RPTOR: variants seen among roughly 807,000 people sequenced by gnomAD.
RPTOR encodes the protein regulatory-associated protein of mTOR.
Under a neutral mutation model 169.9 loss-of-function variants are expected in RPTOR, and 21 were observed. That is an observed-to-expected ratio of 0.12 (90% CI 0.09 to 0.18). The LOEUF (loss-of-function observed/expected upper bound fraction) is 0.18. RPTOR is among the 10% of genes least tolerant of loss of function. RPTOR has a pLI of 1.00. For missense variants in RPTOR, 1,133 were observed against 1,855.9 expected, an observed-to-expected ratio of 0.61 and a Z score of 7.16; for synonymous variants, 732 against 753.2, an observed-to-expected ratio of 0.97 and a Z score of 0.46.
rs886558059 is a variant in RPTOR, at chr17:80,878,272, C to T, written c.1510-2143C>T. Among the ~76,000 whole-genome samples the T allele has an allele frequency of 2.0e-5, 3 of 152,198 alleles. No homozygotes were observed. Among genetic ancestry groups the T allele is most frequent in the South Asian group, 4.1e-4 (2 of 4,836 alleles). On this transcript the variant is annotated intron_variant, in intron 13 of 33. Coordinates refer to ENST00000306801, the MANE Select transcript of RPTOR (RefSeq NM_020761.3). The surrounding 1 kb of genome is among the most constrained non-coding windows in gnomAD (Gnocchi z 4.1). ...GTCCCTCTCCAAGAAACACAGCATCCATGATTTGTACATCGCACTGCAGTT... is the reference window on the plus strand; with the variant it reads ...GTCCCTCTCCAAGAAACACAGCATCTATGATTTGTACATCGCACTGCAGTT...
intron 24 of RPTOR, among the ~76,000 whole-genome samples, chr17:80,927,947 G>T (rs1410982430): frequency 6.6e-6 from 1 of 152,104 alleles, no homozygotes; most frequent in Non-Finnish European, 1.5e-5. Context: ...ACACTGCAGA[G>T]GAGATTAGTC....
chr17:80,892,150 C>T (rs8064817), intron 18 of RPTOR, among the ~76,000 whole-genome samples: 34,461 of 152,036 alleles, frequency 0.23, 4,540 homozygotes, highest in South Asian at 0.4. Context: ...CGTCTTCCTG[C>T]GATGAGTAAT....
chr17:80,712,754 A>G (rs1328251752), intron 4 of RPTOR, among the ~76,000 whole-genome samples: 2 of 152,226 alleles, frequency 1.3e-5, no homozygotes, highest in African/African-American at 4.8e-5. Context: ...GCTGTCTTCC[A>G]ACATGTCTAC....
At chr17:80,876,086 T>C (rs2068107240) in intron 13 of RPTOR, among the ~76,000 whole-genome samples, 1 of 119,576 alleles carries the variant, frequency 8.4e-6, no homozygotes, top group African/African-American at 3.6e-5. Context: ...GCAGGGTGTG[T>C]GTGTCACCTG....
At chr17:80,776,167 C>G (rs2066889895) in intron 6 of RPTOR, among the ~76,000 whole-genome samples, 1 of 152,006 alleles carries the variant, frequency 6.6e-6, no homozygotes, top group Non-Finnish European at 1.5e-5. Context: ...CCACTGTACT[C>G]TAGCCTGGGC....
chr17:80,855,855 G>A (rs559100241), intron 12 of RPTOR, among the ~76,000 whole-genome samples: 180 of 152,272 alleles, frequency 1.2e-3, no homozygotes, highest in Non-Finnish European at 2.3e-3. Context: ...CGCCCCCAGC[G>A]CTGCGGAGGA....
At chr17:80,856,635 G>A (rs147816275) in intron 12 of RPTOR, among the ~76,000 whole-genome samples, 6 of 152,304 alleles carry the variant, frequency 3.9e-5, no homozygotes, top group South Asian at 2.1e-4. Flanking sequence ...CTGAGTCATC[G>A]GAGGAAGGCT....
chr17:80,685,627 A>ATTTTTTTTTTT (rs1165540456), intron 3 of RPTOR, among the ~76,000 whole-genome samples: 2 of 30,684 alleles, frequency 6.5e-5, no homozygotes, highest in Non-Finnish European at 5.4e-5. Flanking sequence ...ATATATATAT[A>ATTTTTTTTTTT]TTTTTTTTTT....
chr17:80,854,807 C>T (rs541380567), intron 11 of RPTOR, among the ~76,000 whole-genome samples: 1 of 152,284 alleles, frequency 6.6e-6, no homozygotes, highest in South Asian at 2.1e-4. Context: ...GTGGGAGGAT[C>T]ACTTGAGTCC....
rs1031823900 is a variant in RPTOR at position 80,844,749 on chromosome 17, C to T, written c.1213-1724C>T. On this transcript the variant is annotated intron_variant, in intron 10 of 33. Coordinates refer to ENST00000306801, the MANE Select transcript of RPTOR (RefSeq NM_020761.3). The surrounding 1 kb of genome is among the most constrained non-coding windows in gnomAD (Gnocchi z 4.7). ...TGCCGAGAGCGCTCCTGGACTTGGGCGCACGGAGGCACCCTGTCCTGCTCC... is the reference window on the plus strand; with the variant it reads ...TGCCGAGAGCGCTCCTGGACTTGGGTGCACGGAGGCACCCTGTCCTGCTCC... 1.3e-5 allele frequency among the ~76,000 whole-genome samples: 2 copies of T among 152,192 alleles called. No individual in the cohort carries two copies. Among genetic ancestry groups the T allele is most frequent in the African/African-American group, 4.8e-5 (2 of 41,456 alleles).
At chr17:80,624,559 G>C (rs2065378644) in intron 1 of RPTOR, among the ~76,000 whole-genome samples, 1 of 152,144 alleles carries the variant, frequency 6.6e-6, no homozygotes. Context: ...TGGTTGATAG[G>C]TTAATGGGAT....
At chr17:80,852,015 C>T (rs1192944486) in intron 11 of RPTOR, among the ~76,000 whole-genome samples, 2 of 152,166 alleles carry the variant, frequency 1.3e-5, no homozygotes, top group African/African-American at 4.8e-5. Flanking sequence ...CCTCTCCTCT[C>T]CCTGGGTCAT....
intron 1 of RPTOR, among the ~76,000 whole-genome samples, chr17:80,586,572 C>G (rs2065062212): frequency 6.6e-6 from 1 of 152,250 alleles, no homozygotes; most frequent in Non-Finnish European, 1.5e-5. Context: ...CTGTGTCGCT[C>G]TGGCTGGGCA....
Position 80,845,957 on chromosome 17 carries a change from C to T in RPTOR, c.1213-516C>T, listed in dbSNP as rs569287314. ...TTTCCCTCCACTGCCGGGCCCTCAC[C>T]GGCCCCAGCGCGGCCCCAGCTCATC... is the stretch of plus-strand genomic sequence containing the variant. On this transcript the variant is annotated intron_variant, in intron 10 of 33. Transcript: ENST00000306801. This position sits in a 1 kb window ranked among gnomAD's most constrained non-coding sequence, Gnocchi z 5.4. Among the ~76,000 whole-genome samples the T allele has an allele frequency of 2.6e-5, 4 of 152,304 alleles. No homozygotes were observed. Among genetic ancestry groups the T allele is most frequent in the East Asian group, 1.9e-4 (1 of 5,178 alleles).
chr17:80,919,612 G>T (rs1165023774), intron 21 of RPTOR, among the ~76,000 whole-genome samples: 1 of 152,140 alleles, frequency 6.6e-6, no homozygotes, highest in Admixed American at 6.5e-5. Context: ...AGACAGGGTG[G>T]GTCTCATTCC....
At chr17:80,571,081 G>A (rs1296721777) in intron 1 of RPTOR, among the ~76,000 whole-genome samples, 4 of 152,134 alleles carry the variant, frequency 2.6e-5, no homozygotes, top group Non-Finnish European at 5.9e-5. Flanking sequence ...ACACGTAAGA[G>A]GATTTAAGGA....
At chr17:80,891,610 C>T (rs1487316519) in intron 17 of RPTOR, 110 bp from the exon 18 acceptor site, 20 of 744,632 alleles carry the variant, frequency 2.7e-5, no homozygotes, top group South Asian at 8.5e-5. Context: ...GCCAATTGCA[C>T]GGTTTTGTCT....
intron 1 of RPTOR, among the ~76,000 whole-genome samples, chr17:80,622,624 G>T (rs1271847290): frequency 1.3e-5 from 2 of 152,184 alleles, no homozygotes; most frequent in Non-Finnish European, 2.9e-5. Context: ...TTATTGGCTG[G>T]GTGCAGTGGC....
chr17:80,917,085 T>C (rs1181907629), intron 21 of RPTOR, among the ~76,000 whole-genome samples: 1 of 151,958 alleles, frequency 6.6e-6, no homozygotes, highest in Non-Finnish European at 1.5e-5. Context: ...CTTCATGCTT[T>C]CGTAGCATGA....
Sources: gnomAD v4.1 joint callset for allele counts (sites outside exome capture counted in the v4.1 genomes callset) on GRCh38, gnomAD v4.1.1 for gene constraint, Gnocchi (gnomAD v3.1) non-coding constraint, MANE v1.5 for transcripts, NCBI Gene and HGNC (gene_info 2026-07-23, HGNC 2026-07-21) for gene names.